The following TRPM5 variants were observed in gnomAD, a reference collection of about 807,000 sequenced individuals.
TRPM5 encodes transient receptor potential cation channel subfamily M member 5.
A neutral mutation model predicts 124.9 loss-of-function variants in TRPM5; 121 were observed. That is an observed-to-expected ratio of 0.97 (90% CI 0.84 to 1.13). The LOEUF (loss-of-function observed/expected upper bound fraction) is 1.13, where lower values mean the gene tolerates loss of function less well. Among genes scored for constraint, TRPM5 ranks in the 50% most tolerant of loss-of-function variants. The pLI is 0.00. For synonymous variants in TRPM5, 781 were observed against 700.5 expected (o/e 1.11, Z -1.81); for missense variants, 1,643 against 1,589.1 (o/e 1.03, Z -0.58).
the TRPM5 span, among the ~76,000 whole-genome samples, chr11:2,438,342 A>T: frequency 6.6e-6 from 1 of 152,178 alleles, no homozygotes; most frequent in African/African-American, 2.4e-5. This position sits in a 1 kb window ranked among gnomAD's most constrained non-coding sequence, Gnocchi z 5.9. Context: ...AACCCAGGAG[A>T]TGACGCATCT....
At chr11:2,422,826 AG>A (rs2133537111) in intron 1 of TRPM5, 93 bp downstream of exon 6, 2 of 1,078,838 alleles carry the variant, frequency 1.9e-6, no homozygotes, top group East Asian at 2.4e-5. Flanking sequence ...AGGGGTGAGG[AG>A]GACCCTGGCA....
intron 1 of TRPM5, 102 bp downstream of exon 6, chr11:2,422,818 G>A (rs1845791112): frequency 2.0e-6 from 2 of 1,002,746 alleles, no homozygotes; most frequent in South Asian, 1.3e-5. Flanking sequence ...CAGACCCCAG[G>A]GGTGAGGAGG....
At chr11:2,422,387 G>A in intron 1 of TRPM5, 66 bp from the exon 7 acceptor site, 3 of 1,446,444 alleles carry the variant, frequency 2.1e-6, no homozygotes, top group South Asian at 1.3e-5. Flanking sequence ...GGGCATTGGG[G>A]GGGGCTGGAC....
chr11:2,444,022 C>A, the TRPM5 span, among the ~76,000 whole-genome samples: 2 of 152,176 alleles, frequency 1.3e-5, no homozygotes, highest in Non-Finnish European at 2.9e-5. Context: ...GCGCAAGCGC[C>A]TCTCCCTTTA....
At chr11:2,418,864 G>A (rs1368585518) in intron 4 of TRPM5, among the ~76,000 whole-genome samples, 1 of 152,198 alleles carries the variant, frequency 6.6e-6, no homozygotes, top group Non-Finnish European at 1.5e-5. Context: ...TGGAAGAAAC[G>A]GAGCACCCAG....
intron 4 of TRPM5, among the ~76,000 whole-genome samples, chr11:2,419,866 G>A (rs1484692196): frequency 6.6e-6 from 1 of 152,238 alleles, no homozygotes; most frequent in African/African-American, 2.4e-5. Flanking sequence ...GCGGCGGGAA[G>A]TAGCCCTCTT....
At chr11:2,441,877 C>T in the TRPM5 span, among the ~76,000 whole-genome samples, 10 of 152,054 alleles carry the variant, frequency 6.6e-5, no homozygotes, top group East Asian at 3.9e-4. The surrounding 1 kb of genome is among the most constrained non-coding windows in gnomAD (Gnocchi z 7.2). Flanking sequence ...TCAGTAGAGG[C>T]GGGGTTTTAC....
chr11:2,405,132 A>G (rs1019630597), intron 23 of TRPM5, 89 bp from the exon 29 acceptor site: 2 of 1,120,464 alleles, frequency 1.8e-6, no homozygotes, highest in Non-Finnish European at 1.3e-6. Context: ...GGCAAGGGCC[A>G]GGACGCCGTG....
upstream of TRPM5, among the ~76,000 whole-genome samples, chr11:2,423,315 G>A (rs886695918): frequency 2.0e-5 from 3 of 152,188 alleles, no homozygotes; most frequent in Non-Finnish European, 4.4e-5. Flanking sequence ...GTGGGGCTCC[G>A]CTGTCAGCGC....
chr11:2,416,729 C>G (rs1845688212), intron 7 of TRPM5, among the ~76,000 whole-genome samples: 1 of 152,228 alleles, frequency 6.6e-6, no homozygotes, highest in Admixed American at 6.5e-5. Flanking sequence ...TGTCCCCAGC[C>G]CCTGCTTAGC....
chr11:2,414,674 T>G (rs760982193), intron 11 of TRPM5, 41 bp downstream of exon 16: 1 of 1,461,628 alleles, frequency 6.8e-7, no homozygotes, highest in South Asian at 1.3e-5. Context: ...CGTCACATCC[T>G]CCCCCGCGCG....
rs771881063 is a variant in TRPM5, at chr11:2,405,059, G to A, written c.3392-16C>T. 2.5e-6 allele frequency: 4 copies of A among 1,605,946 alleles called. No homozygotes were observed. Among genetic ancestry groups the A allele is most frequent in the African/African-American group, 1.3e-5 (1 of 74,776 alleles). On this transcript the variant is annotated splice_polypyrimidine_tract_variant and intron_variant, in intron 23 of 23. Coordinates refer to ENST00000155858, the Ensembl canonical transcript of TRPM5. ...TGCTGAGAGCCTGCTGGGAAGGAAG[G>A]CCCCCCTGAGCGGTGGGAACCAGCA... is the stretch of plus-strand genomic sequence containing the variant.
chr11:2,412,887 A>T, exon 15 of TRPM5: 1 of 1,597,842 alleles, frequency 6.3e-7, no homozygotes, highest in Non-Finnish European at 8.5e-7. Context: ...GGCGAAGTAC[A>T]TGACCACGTT....
chr11:2,411,572 G>T lies in TRPM5; in HGVS notation c.2608-46C>A, dbSNP rs759837105. The T allele has an allele frequency of 5.0e-6, 8 of 1,608,424 alleles. No individual in the cohort carries two copies. In the Admixed American group the frequency reaches 1.2e-4, roughly 24 times the overall value. On this transcript the variant is annotated intron_variant, in intron 17 of 23. Transcript: ENST00000155858. ...GAGAGGGACGTCAGCGGCCAGCCGG[G>T]TGGGGCCCAGGCAGGGGATTGCTGT...
At chr11:2,414,460 G>A (rs1850523462) in intron 11 of TRPM5, among the ~76,000 whole-genome samples, 1 of 152,206 alleles carries the variant, frequency 6.6e-6, no homozygotes, top group Non-Finnish European at 1.5e-5. Context: ...TCGTCCTGCG[G>A]CAGGGCCCAG....
intron 8 of TRPM5, 151 bp downstream of exon 13, chr11:2,415,754 CG>C (rs1440500589): frequency 1.5e-6 from 1 of 655,154 alleles, no homozygotes; most frequent in African/African-American, 1.8e-5. Context: ...GGCAGAAGCC[CG>C]GGCAGAACCG....
intron 16 of TRPM5, 135 bp downstream of exon 21, chr11:2,412,000 C>A: frequency 1.1e-6 from 1 of 928,822 alleles, no homozygotes; most frequent in Non-Finnish European, 1.7e-6. Context: ...TTCCCTGGCT[C>A]AAGTGACCCA....
chr11:2,411,456 G>T (rs201710397), exon 18 of TRPM5: 4 of 1,612,138 alleles, frequency 2.5e-6, no homozygotes, highest in African/African-American at 2.7e-5. Flanking sequence ...GTGCAGCAGC[G>T]CCTGGGTGGT....
Position 2,418,691 on chromosome 11 carries a change from C to A in TRPM5, c.650-100G>T, listed in dbSNP as rs886280. On this transcript the variant is annotated intron_variant, in intron 4 of 23. Transcript: ENST00000155858. ...ACCACATTTTCTGGCCAAAAGCTGGCTCTTCCGAATAAAGTGTGGGCTTCG... is the reference window on the plus strand; with the variant it reads ...ACCACATTTTCTGGCCAAAAGCTGGATCTTCCGAATAAAGTGTGGGCTTCG... 2,991 of 1,236,546 alleles carry A rather than the reference C, an allele frequency of 2.4e-3. 34 individuals carry two copies. The African/African-American group carries it at 0.03, about 12-fold the overall frequency. The allele number at this position is 1,236,546 out of a possible 1,614,324, so 76.6% of individuals were successfully genotyped here.
Sources: gnomAD v4.1 joint callset for allele counts (sites outside exome capture counted in the v4.1 genomes callset) on GRCh38, gnomAD v4.1.1 for gene constraint, Gnocchi (gnomAD v3.1) non-coding constraint, MANE v1.5 for transcripts, NCBI Gene and HGNC (gene_info 2026-07-23, HGNC 2026-07-21) for gene names.